Variants in APCDD1 observed in about 807,000 individuals in gnomAD.
APCDD1 encodes the protein APC down-regulated 1.
In APCDD1, 15 loss-of-function variants were observed where a neutral mutation model predicts 38.1. The observed-to-expected ratio is 0.39, with a 90% confidence interval of 0.26 to 0.61. The LOEUF is 0.61. Ranked by LOEUF, APCDD1 falls within the 20% of genes least tolerant of loss-of-function variation. The probability of loss-of-function intolerance (pLI) is 0.49; values close to 1 mark genes in which losing one functional copy is unlikely to be tolerated. For synonymous variants in APCDD1, 261 were observed against 279.7 expected, an observed-to-expected ratio of 0.93 and a Z score of 0.67; for missense variants, 647 against 696.2, an observed-to-expected ratio of 0.93 and a Z score of 0.79.
In APCDD1 at chr18:10,488,598, C is replaced by G. The variant is rs2031305392; in HGVS notation, c.*560C>G. 1 of 152,316 alleles carries G rather than the reference C, an allele frequency of 6.6e-6. No homozygotes were observed. Among genetic ancestry groups the G allele is most frequent in the Admixed American group, 6.5e-5 (1 of 15,290 alleles). The allele number at this position is 152,316 out of a possible 1,614,324, so 9.4% of individuals were successfully genotyped here. A position where few individuals can be genotyped will look rare whatever the true frequency, so the allele number is the denominator to read the frequency against. On this transcript the variant is annotated 3_prime_UTR_variant, in exon 5 of 5. Coordinates refer to ENST00000355285, the MANE Select transcript of APCDD1 (RefSeq NM_153000.5). Reference sequence around the variant, plus strand: ...AAAGATGTACGGTCTGGCCAAACCACCTTCCCAGCCTTTATGCAAAAAAAG... The same window carrying G: ...AAAGATGTACGGTCTGGCCAAACCAGCTTCCCAGCCTTTATGCAAAAAAAG...
In APCDD1 at chr18:10,471,985, G is replaced by A. The variant is rs1007379968; in HGVS notation, c.698G>A (p.Gly233Asp). ...LDHLVEELFL[G>D]DIHTDATQRM... ...CACCTGGTCGAGGAGCTCTTCCTTG[G>A]TGACATTCACACTGATGCCACCCAG... The change falls in exon 3 of 5, where the codon GGT becomes GAT. Residue 233 changes from glycine to aspartate, a missense_variant. Gly to Asp is a moderately conservative substitution (Grantham distance 94, BLOSUM62 -1). Transcript: ENST00000355285. This position sits in a 1 kb window ranked among gnomAD's most constrained non-coding sequence, Gnocchi z 5.5. 1 of 1,613,874 alleles carries A rather than the reference G, an allele frequency of 6.2e-7. No individual in the cohort carries two copies. The highest frequency in any genetic ancestry group is 8.5e-7 in the Non-Finnish European group (1 of 1,180,026).
At chr18:10,462,322 G>A (rs1220852265) in intron 1 of APCDD1, among the ~76,000 whole-genome samples, 2 of 152,178 alleles carry the variant, frequency 1.3e-5, no homozygotes, top group African/African-American at 4.8e-5. Context: ...TATTAAAGGA[G>A]GCTGTATATA....
chr18:10,468,956 G>A lies in APCDD1; in HGVS notation c.242+304G>A, dbSNP rs145673575. 1.6e-4 allele frequency among the ~76,000 whole-genome samples: 25 copies of A among 152,324 alleles called. No individual in the cohort carries two copies. The East Asian group carries it at 2.5e-3, about 15-fold the overall frequency. On this transcript the variant is annotated intron_variant, in intron 2 of 4. Transcript: ENST00000355285. Reference sequence around the variant, plus strand: ...ACTTGTGTATAAAAAGAAACCATTAGCAAGTGAAATTAAGAGACTGTGTTT... The same window carrying A: ...ACTTGTGTATAAAAAGAAACCATTAACAAGTGAAATTAAGAGACTGTGTTT...
intron 3 of APCDD1, among the ~76,000 whole-genome samples, chr18:10,479,756 A>T (rs564302661): frequency 1.3e-5 from 2 of 152,136 alleles, no homozygotes; most frequent in South Asian, 4.1e-4. Context: ...TGTAAAGTCT[A>T]AGGAGATGCT....
chr18:10,486,126 A>T (rs2031245941), intron 4 of APCDD1, among the ~76,000 whole-genome samples: 1 of 152,228 alleles, frequency 6.6e-6, no homozygotes, highest in South Asian at 2.1e-4. Context: ...CCAAGGCAGG[A>T]GGATCTCATG....
chr18:10,460,611 C>T (rs988636979), intron 1 of APCDD1, among the ~76,000 whole-genome samples: 1 of 151,974 alleles, frequency 6.6e-6, no homozygotes, highest in Non-Finnish European at 1.5e-5. Context: ...AGTATACTGT[C>T]CTATTTCACT....
intron 1 of APCDD1, among the ~76,000 whole-genome samples, chr18:10,461,824 A>G (rs1242140436): frequency 2.0e-5 from 3 of 152,194 alleles, no homozygotes; most frequent in African/African-American, 7.2e-5. Flanking sequence ...TAGTCCCCTT[A>G]ATTAACATCT....
chr18:10,465,833 A>T (rs2030700327), intron 1 of APCDD1, among the ~76,000 whole-genome samples: 1 of 152,246 alleles, frequency 6.6e-6, no homozygotes, highest in Non-Finnish European at 1.5e-5. Flanking sequence ...ATAATAAAAT[A>T]ATGATACATC....
intron 1 of APCDD1, 112 bp downstream of exon 1, chr18:10,455,151 T>C: frequency 2.1e-6 from 3 of 1,455,228 alleles, no homozygotes; most frequent in Non-Finnish European, 2.7e-6. Flanking sequence ...ACTGTCCCCT[T>C]GGCGGGGCGG....
Position 10,475,957 on chromosome 18 carries a change from T to C in APCDD1, c.774+3896T>C. ...AGCTCTGAGAAGGAACAAAATGGACTCAGCCATTGGTGTCTTTCCAGACCC... is the reference window on the plus strand; with the variant it reads ...AGCTCTGAGAAGGAACAAAATGGACCCAGCCATTGGTGTCTTTCCAGACCC... On this transcript the variant is annotated intron_variant, in intron 3 of 4. Coordinates refer to ENST00000355285, the MANE Select transcript of APCDD1 (RefSeq NM_153000.5). This position sits in a 1 kb window ranked among gnomAD's most constrained non-coding sequence, Gnocchi z 4.0. 1 of 152,286 alleles carries C rather than the reference T, an allele frequency of 6.6e-6. No homozygotes were observed. The highest frequency in any genetic ancestry group is 1.9e-4 in the East Asian group (1 of 5,186). 9.4% of individuals were successfully genotyped at this position (152,286 alleles called of 1,614,324 possible).
At chr18:10,473,140 A>G (rs993313327) in intron 3 of APCDD1, among the ~76,000 whole-genome samples, 4 of 152,188 alleles carry the variant, frequency 2.6e-5, no homozygotes, top group African/African-American at 7.2e-5. Context: ...TTAGTCCTCC[A>G]AGACTACTCA....
chr18:10,469,353 G>A lies in APCDD1; in HGVS notation c.242+701G>A, dbSNP rs1343637319. Among the ~76,000 whole-genome samples the A allele has an allele frequency of 6.6e-6, 1 of 151,854 alleles. No homozygotes were observed. Among genetic ancestry groups the A allele is most frequent in the African/African-American group, 2.4e-5 (1 of 41,344 alleles). Reference sequence around the variant, plus strand: ...TGGGGAGGGATCAGATGAATATGGAGAAGAGAAAAAAAGAAATTGTATAAG... The same window carrying A: ...TGGGGAGGGATCAGATGAATATGGAAAAGAGAAAAAAAGAAATTGTATAAG... On this transcript the variant is annotated intron_variant, in intron 2 of 4. Coordinates refer to ENST00000355285, the MANE Select transcript of APCDD1 (RefSeq NM_153000.5). The surrounding 1 kb of genome is among the most constrained non-coding windows in gnomAD (Gnocchi z 5.5).
chr18:10,458,698 TA>T (rs2030447003), intron 1 of APCDD1, among the ~76,000 whole-genome samples: 12 of 152,232 alleles, frequency 7.9e-5, no homozygotes, highest in African/African-American at 2.7e-4. Flanking sequence ...TACATACTAC[TA>T]TTTAGGGACA....
At position 10,469,346 on chromosome 18, in the gene APCDD1, A is replaced by C. The variant is rs2030796177; in HGVS notation, c.242+694A>C. 6.6e-6 allele frequency among the ~76,000 whole-genome samples: 1 copy of C among 152,194 alleles called. No homozygotes were observed. Among genetic ancestry groups the C allele is most frequent in the African/African-American group, 2.4e-5 (1 of 41,452 alleles). ...AGTTCCTTGGGGAGGGATCAGATGA[A>C]TATGGAGAAGAGAAAAAAAGAAATT... On this transcript the variant is annotated intron_variant, in intron 2 of 4. Coordinates refer to ENST00000355285, the MANE Select transcript of APCDD1 (RefSeq NM_153000.5). The surrounding 1 kb of genome is among the most constrained non-coding windows in gnomAD (Gnocchi z 5.5).
chr18:10,477,390 G>A (rs1215768175), intron 3 of APCDD1: 1 of 152,248 alleles, frequency 6.6e-6, no homozygotes, highest in Non-Finnish European at 1.5e-5. Flanking sequence ...TGACCCTGAA[G>A]GGGTTGCTTT....
At position 10,488,311 on chromosome 18, in the gene APCDD1, G is replaced by A. The variant is rs2031297166; in HGVS notation, c.*273G>A. 7.0e-6 allele frequency: 3 copies of A among 425,858 alleles called. No individual in the cohort carries two copies. The highest frequency in any genetic ancestry group is 1.2e-5 in the Non-Finnish European group (3 of 240,684). The allele number at this position is 425,858 out of a possible 1,614,324, so 26.4% of individuals were successfully genotyped here. On this transcript the variant is annotated 3_prime_UTR_variant, in exon 5 of 5. Coordinates refer to ENST00000355285, the MANE Select transcript of APCDD1 (RefSeq NM_153000.5). Reference sequence around the variant, plus strand: ...ACAGCCTAGAGTTCTGGACGAGCGTGTTTGGTAGCAGGGATGAAAGCTAGG... The same window carrying A: ...ACAGCCTAGAGTTCTGGACGAGCGTATTTGGTAGCAGGGATGAAAGCTAGG...
chr18:10,456,881 AAT>A (rs1180000751), intron 1 of APCDD1, among the ~76,000 whole-genome samples: 1 of 152,196 alleles, frequency 6.6e-6, no homozygotes, highest in Non-Finnish European at 1.5e-5. Context: ...GGAGCAAGGA[AAT>A]AACTGGGAAG....
rs114788655 is a variant in APCDD1 at position 10,457,212 on chromosome 18, A to T, written c.58+2173A>T. Among the ~76,000 whole-genome samples the T allele has an allele frequency of 9.0e-3, 1,366 of 152,346 alleles. 17 individuals are homozygous for T. Among genetic ancestry groups the T allele is most frequent in the African/African-American group, 0.031 (1,296 of 41,582 alleles). ...AAGTTATAAATCCTCAGGATTTAAG[A>T]AAGGTTTGCCATAATTAGCAAGGAT... On this transcript the variant is annotated intron_variant, in intron 1 of 4. Transcript: ENST00000355285.
chr18:10,458,228 A>G (rs1413025488), intron 1 of APCDD1, among the ~76,000 whole-genome samples: 1 of 152,186 alleles, frequency 6.6e-6, no homozygotes, highest in Non-Finnish European at 1.5e-5. Flanking sequence ...GAGATGTTCT[A>G]TTCCCACACC....
Sources: gnomAD v4.1 joint callset for allele counts (sites outside exome capture counted in the v4.1 genomes callset) on GRCh38, gnomAD v4.1.1 for gene constraint, Gnocchi (gnomAD v3.1) non-coding constraint, MANE v1.5 for transcripts, NCBI Gene and HGNC (gene_info 2026-07-23, HGNC 2026-07-21) for gene names.